The following ZNF469 variants were observed in gnomAD, a reference collection of about 807,000 sequenced individuals.
ZNF469 encodes the protein zinc finger protein 469.
ZNF469 carries 1 observed loss-of-function variant against 1.0 expected under a neutral mutation model. The observed-to-expected ratio is 1.00, with a 90% CI of 0.35 to 4.73. The LOEUF is 4.73. Ranked by LOEUF, ZNF469 falls within the 30% of genes most tolerant of loss-of-function variation. The pLI is 0.16. For synonymous variants in ZNF469, 2,703 were observed against 2,363.4 expected, an observed-to-expected ratio of 1.14 and a Z score of -4.17; for missense variants, 6,100 against 5,356.3, an observed-to-expected ratio of 1.14 and a Z score of -4.33.
the ZNF469 span, among the ~76,000 whole-genome samples, chr16:88,304,248 C>G: frequency 6.6e-6 from 1 of 152,208 alleles, no homozygotes; most frequent in Non-Finnish European, 1.5e-5. Context: ...CCCCGACAGC[C>G]CAGCGCTGCA....
At chr16:88,107,744 G>C in the ZNF469 span, among the ~76,000 whole-genome samples, 2 of 152,348 alleles carry the variant, frequency 1.3e-5, no homozygotes, top group East Asian at 3.9e-4. Flanking sequence ...GAGATTACAG[G>C]GAAGCAGCCA....
intron 1 of ZNF469, among the ~76,000 whole-genome samples, chr16:88,401,953 AAGATGGATGGG>A (rs1226279725): frequency 2.0e-3 from 31 of 15,248 alleles, no homozygotes; most frequent in Non-Finnish European, 3.8e-3. Flanking sequence ...GGTGGATGGG[AAGATGGATGGG>A]TGGATGGATA....
the ZNF469 span, among the ~76,000 whole-genome samples, chr16:88,154,824 G>A: frequency 3.5e-4 from 54 of 152,288 alleles, no homozygotes; most frequent in East Asian, 2.7e-3. Flanking sequence ...GGAGTGGCAC[G>A]GACGGGATTT....
At chr16:88,247,508 A>ATGAG in the ZNF469 span, among the ~76,000 whole-genome samples, 1 of 137,384 alleles carries the variant, frequency 7.3e-6, no homozygotes, top group South Asian at 2.3e-4. Context: ...GAGTGAGGGA[A>ATGAG]TGAGTGAGTG....
intron 1 of ZNF469, among the ~76,000 whole-genome samples, chr16:88,392,804 T>C (rs1396411546): frequency 6.6e-6 from 1 of 152,224 alleles, no homozygotes; most frequent in Non-Finnish European, 1.5e-5. Flanking sequence ...AAAACCCACC[T>C]CCAACATCGC....
chr16:88,267,145 C>T, the ZNF469 span, among the ~76,000 whole-genome samples: 3 of 152,244 alleles, frequency 2.0e-5, no homozygotes, highest in African/African-American at 7.2e-5. Context: ...TCCATCGGCG[C>T]CCTCACTCTC....
At chr16:88,169,166 A>G in the ZNF469 span, among the ~76,000 whole-genome samples, 3 of 152,166 alleles carry the variant, frequency 2.0e-5, no homozygotes, top group African/African-American at 7.2e-5. The surrounding 1 kb of genome is among the most constrained non-coding windows in gnomAD (Gnocchi z 6.1). Flanking sequence ...CTCACGCATG[A>G]CTGCCATGAG....
chr16:88,192,296 C>G, the ZNF469 span: 1 of 152,158 alleles, frequency 6.6e-6, no homozygotes, highest in African/African-American at 2.4e-5. Context: ...GCTGGTAGAG[C>G]CTCAGCTTCC....
At chr16:88,359,680 T>C in the ZNF469 span, among the ~76,000 whole-genome samples, 1 of 152,256 alleles carries the variant, frequency 6.6e-6, no homozygotes. Flanking sequence ...ATACCAGTCT[T>C]TTGTTGGAAG....
At chr16:88,240,014 C>G in the ZNF469 span, among the ~76,000 whole-genome samples, 1 of 150,482 alleles carries the variant, frequency 6.6e-6, no homozygotes. Context: ...GGTGGAGGGG[C>G]TGCTGCTCTG....
chr16:88,271,643 G>A, the ZNF469 span, among the ~76,000 whole-genome samples: 2 of 146,170 alleles, frequency 1.4e-5, no homozygotes, highest in Non-Finnish European at 3.1e-5. Flanking sequence ...GCTGCATGCA[G>A]GAATCAACAA....
the ZNF469 span, among the ~76,000 whole-genome samples, chr16:88,329,748 C>G: frequency 6.8e-4 from 103 of 152,324 alleles, no homozygotes; most frequent in South Asian, 1.9e-3. Context: ...AAGTTCTTAA[C>G]AACATTTGTG....
At chr16:88,217,563 G>A in the ZNF469 span, among the ~76,000 whole-genome samples, 4 of 139,360 alleles carry the variant, frequency 2.9e-5, no homozygotes, top group South Asian at 5.2e-4. Flanking sequence ...CTAGCATTAG[G>A]TATATCTCCC....
chr16:88,257,352 G>A, the ZNF469 span, among the ~76,000 whole-genome samples: 2 of 151,768 alleles, frequency 1.3e-5, no homozygotes, highest in East Asian at 1.9e-4. Context: ...TTTTAAATTG[G>A]GTTGTTTATT....
chr16:88,349,757 CCAGCACA>C, the ZNF469 span, among the ~76,000 whole-genome samples: 9 of 141,486 alleles, frequency 6.4e-5, no homozygotes, highest in Non-Finnish European at 9.2e-5. Flanking sequence ...GCACACATGC[CCAGCACA>C]ATACACACCA....
intron 1 of ZNF469, among the ~76,000 whole-genome samples, chr16:88,423,381 C>T (rs1421970380): frequency 6.6e-6 from 1 of 151,914 alleles, no homozygotes; most frequent in Non-Finnish European, 1.5e-5. Context: ...TCCTGCAGTT[C>T]TTCACCCTCC....
chr16:88,133,630 TA>T, the ZNF469 span, among the ~76,000 whole-genome samples: 1 of 148,476 alleles, frequency 6.7e-6, no homozygotes, highest in East Asian at 1.9e-4. Flanking sequence ...ATCAATAGAT[TA>T]ATAAAATAAA....
At chr16:88,212,214 C>T in the ZNF469 span, among the ~76,000 whole-genome samples, 541 of 152,278 alleles carry the variant, frequency 3.6e-3, no homozygotes, top group African/African-American at 0.012. Flanking sequence ...AGCTATGCCT[C>T]GGAATCACTT....
At chr16:88,118,239 G>A in the ZNF469 span, among the ~76,000 whole-genome samples, 14 of 152,316 alleles carry the variant, frequency 9.2e-5, no homozygotes, top group Admixed American at 2.6e-4. Context: ...CACTGCACCC[G>A]GCTCCTATCT....
Sources: gnomAD v4.1 joint callset for allele counts (sites outside exome capture counted in the v4.1 genomes callset) on GRCh38, gnomAD v4.1.1 for gene constraint, Gnocchi (gnomAD v3.1) non-coding constraint, MANE v1.5 for transcripts, NCBI Gene and HGNC (gene_info 2026-07-23, HGNC 2026-07-21) for gene names.